EXOC4: variants seen among roughly 807,000 people sequenced by gnomAD.
EXOC4 encodes SEC8-like 1.
In EXOC4, 71 loss-of-function variants were observed where a neutral mutation model predicts 107.2. That is an observed-to-expected ratio of 0.66 (90% CI 0.55 to 0.81). EXOC4 has a LOEUF of 0.81. EXOC4 is among the 30% of genes least tolerant of loss of function. The pLI, the probability that EXOC4 is intolerant of heterozygous loss-of-function variation, is 0.00. For missense variants in EXOC4, 1,108 were observed against 1,189.6 expected (o/e 0.93, Z 1.01); for synonymous variants, 456 against 441.2 (o/e 1.03, Z -0.42).
chr7:133,752,666 G>GT (rs1392528825), intron 10 of EXOC4, among the ~76,000 whole-genome samples: 1 of 152,192 alleles, frequency 6.6e-6, no homozygotes, highest in Non-Finnish European at 1.5e-5. Context: ...ACAAAAAAGA[G>GT]TGAGTACAGG....
intron 10 of EXOC4, among the ~76,000 whole-genome samples, chr7:133,653,641 A>G (rs920517630): frequency 1.3e-5 from 2 of 152,120 alleles, no homozygotes; most frequent in African/African-American, 4.8e-5. Context: ...ACCTTTCCCT[A>G]TATAGCTGAG....
chr7:133,542,320 T>A (rs1335438130), intron 9 of EXOC4, among the ~76,000 whole-genome samples: 1 of 152,114 alleles, frequency 6.6e-6, no homozygotes, highest in Non-Finnish European at 1.5e-5. Context: ...CTAATTCTCA[T>A]AGAAGGAGTG....
intron 10 of EXOC4, among the ~76,000 whole-genome samples, chr7:133,795,092 GTATT>G (rs1002329333): frequency 2.0e-5 from 3 of 152,028 alleles, no homozygotes; most frequent in African/African-American, 7.2e-5. Context: ...AAAAAATCAA[GTATT>G]ACGCAGCCAG....
rs59042734 is a variant in EXOC4, at chr7:133,687,437, G to GA, written c.1514+57305dup. Reference sequence around the variant, plus strand: ...TTAAAATATTATATTTAAAATTAAAGAAAAAAAAACTGAAACTCACCAGAT... The same window carrying GA: ...TTAAAATATTATATTTAAAATTAAAGAAAAAAAAAACTGAAACTCACCAGAT... On this transcript the variant is annotated intron_variant, in intron 10 of 17. Coordinates refer to ENST00000253861, the MANE Select transcript of EXOC4 (RefSeq NM_021807.4). Among the ~76,000 whole-genome samples the GA allele has an allele frequency of 1.4e-3, 208 of 150,510 alleles. 1 individual carries two copies. The highest frequency in any genetic ancestry group is 4.7e-3 in the African/African-American group (193 of 41,060).
chr7:134,006,641 G>T (rs138491421), intron 16 of EXOC4, among the ~76,000 whole-genome samples: 6 of 152,236 alleles, frequency 3.9e-5, no homozygotes, highest in African/African-American at 1.4e-4. Context: ...CTAAACCTCA[G>T]AGTCTCGGGG....
At chr7:133,591,841 T>C (rs1309101036) in intron 9 of EXOC4, among the ~76,000 whole-genome samples, 1 of 152,184 alleles carries the variant, frequency 6.6e-6, no homozygotes, top group African/African-American at 2.4e-5. Context: ...TCATTTTCTC[T>C]GTGCTGTGGC....
chr7:133,996,275 G>A lies in EXOC4; in HGVS notation c.2207-1217G>A, dbSNP rs184636620. Among the ~76,000 whole-genome samples, 49 of 152,168 alleles carry A rather than the reference G, an allele frequency of 3.2e-4. 1 individual carries two copies. The highest frequency in any genetic ancestry group is 2.7e-3 in the Admixed American group (42 of 15,284). ...TCACTTTACAAAATAAAATAATAAG[G>A]CAGAGAAAATTTAAATAATTAGCTC... On this transcript the variant is annotated intron_variant, in intron 14 of 17. Coordinates refer to ENST00000253861, the MANE Select transcript of EXOC4 (RefSeq NM_021807.4).
At chr7:133,835,204 T>G (rs2151242559) in intron 11 of EXOC4, among the ~76,000 whole-genome samples, 1 of 152,324 alleles carries the variant, frequency 6.6e-6, no homozygotes, top group Non-Finnish European at 1.5e-5. Flanking sequence ...TAATTTATGT[T>G]ATAGTCATGA....
intron 9 of EXOC4, among the ~76,000 whole-genome samples, chr7:133,602,445 A>C (rs574734165): frequency 6.6e-6 from 1 of 152,224 alleles, no homozygotes; most frequent in East Asian, 1.9e-4. Context: ...TTGGCGATTG[A>C]GTTGTGTGGC....
At chr7:133,819,885 G>A (rs537842441) in intron 11 of EXOC4, among the ~76,000 whole-genome samples, 10 of 152,196 alleles carry the variant, frequency 6.6e-5, no homozygotes, top group South Asian at 6.2e-4. Flanking sequence ...CCATGTCAAG[G>A]CCATATGCTA....
chr7:133,622,392 G>A (rs1232316236), intron 9 of EXOC4, among the ~76,000 whole-genome samples: 1 of 151,756 alleles, frequency 6.6e-6, no homozygotes, highest in South Asian at 2.1e-4. Flanking sequence ...TTTGTTTTTT[G>A]TTCCTCCCTT....
chr7:133,255,165 GCTTTT>G (rs147807041), intron 1 of EXOC4, among the ~76,000 whole-genome samples: 65 of 117,138 alleles, frequency 5.5e-4, no homozygotes, highest in African/African-American at 1.5e-3. Flanking sequence ...GCATTATATT[GCTTTT>G]CTTTTCTTTT....
At chr7:133,724,516 A>G (rs1795175353) in intron 10 of EXOC4, among the ~76,000 whole-genome samples, 1 of 152,192 alleles carries the variant, frequency 6.6e-6, no homozygotes, top group Admixed American at 6.5e-5. Flanking sequence ...ATATTGTTCT[A>G]GGCTCTGGAG....
intron 12 of EXOC4, among the ~76,000 whole-genome samples, chr7:133,904,241 TAAGA>T (rs924057675): frequency 3.9e-5 from 6 of 152,044 alleles, no homozygotes; most frequent in African/African-American, 1.4e-4. Context: ...TTTGGTGATG[TAAGA>T]AAGAAAGGGG....
intron 11 of EXOC4, among the ~76,000 whole-genome samples, chr7:133,858,373 T>A (rs937022137): frequency 5.3e-5 from 8 of 152,050 alleles, no homozygotes; most frequent in Non-Finnish European, 1.2e-4. Context: ...GGAGGAAGTG[T>A]GTGCTGATTG....
chr7:133,437,527 G>A (rs1410136062), intron 7 of EXOC4, among the ~76,000 whole-genome samples: 1 of 152,190 alleles, frequency 6.6e-6, no homozygotes, highest in Non-Finnish European at 1.5e-5. Flanking sequence ...TGGGAAAACA[G>A]TGCTATTGGT....
intron 7 of EXOC4, among the ~76,000 whole-genome samples, chr7:133,381,479 G>A (rs1380432197): frequency 6.6e-6 from 1 of 152,164 alleles, no homozygotes; most frequent in Admixed American, 6.5e-5. Context: ...GGCACTCCAG[G>A]CAGATGGAAA....
intron 14 of EXOC4, among the ~76,000 whole-genome samples, chr7:133,952,171 GAAA>G (rs143443942): frequency 6.7e-6 from 1 of 149,762 alleles, no homozygotes; most frequent in Non-Finnish European, 1.5e-5. Flanking sequence ...AAAAAAAAAA[GAAA>G]AAAAAAGAAG....
the EXOC4 span, among the ~76,000 whole-genome samples, chr7:134,073,030 C>T: frequency 1.3e-5 from 2 of 151,558 alleles, no homozygotes; most frequent in Admixed American, 1.3e-4. Flanking sequence ...CATGGTGAAA[C>T]CCCATGTCTA....
Sources: gnomAD v4.1 joint callset for allele counts (sites outside exome capture counted in the v4.1 genomes callset) on GRCh38, gnomAD v4.1.1 for gene constraint, MANE v1.5 for transcripts, NCBI Gene and HGNC (gene_info 2026-07-23, HGNC 2026-07-21) for gene names.